STXBP5: variants seen among roughly 807,000 people sequenced by gnomAD.
STXBP5 encodes the protein syntaxin binding protein 5.
STXBP5 carries 50 observed loss-of-function variants against 152.4 expected under a neutral mutation model. That is an observed-to-expected ratio of 0.33 (90% CI 0.26 to 0.42). STXBP5 has a LOEUF of 0.42. Among genes scored for constraint, STXBP5 ranks in the 10% least tolerant of loss-of-function variants. STXBP5 has a pLI of 1.00. For missense variants in STXBP5, 1,167 were observed against 1,388.6 expected (o/e 0.84, Z 2.54); for synonymous variants, 492 against 494.7 (o/e 0.99, Z 0.07).
At chr6:147,287,465 G>T (rs1781039376) in intron 8 of STXBP5, among the ~76,000 whole-genome samples, 2 of 152,166 alleles carry the variant, frequency 1.3e-5, no homozygotes, top group Non-Finnish European at 2.9e-5. Context: ...GCCTCCCAAA[G>T]TGCTGGGATT....
At chr6:147,314,218 T>A (rs771240339) in intron 12 of STXBP5, 46 bp from the exon 13 acceptor site, 1 of 1,478,198 alleles carries the variant, frequency 6.8e-7, no homozygotes, top group Non-Finnish European at 9.5e-7. Flanking sequence ...CACGGAGGTA[T>A]GTAGTATGCT....
intron 7 of STXBP5, among the ~76,000 whole-genome samples, chr6:147,267,724 G>A (rs1364362718): frequency 6.6e-6 from 1 of 151,694 alleles, no homozygotes; most frequent in East Asian, 1.9e-4. Context: ...CCTATAAATT[G>A]GATAATTTAC....
At chr6:147,342,182 A>AT (rs1784123569) in intron 21 of STXBP5, among the ~76,000 whole-genome samples, 1 of 152,200 alleles carries the variant, frequency 6.6e-6, no homozygotes, top group African/African-American at 2.4e-5. Context: ...GAAAAAAAAG[A>AT]TTAAGTTCTG....
rs5880705 is a variant in STXBP5, at chr6:147,314,182, T to TACACACACAC, written c.1294-63_1294-54dup. 52 of 945,404 alleles carry TACACACACAC rather than the reference T, an allele frequency of 5.5e-5. No individual in the cohort carries two copies. In the African/African-American group the frequency reaches 7.7e-4, roughly 14 times the overall value. 58.6% of individuals were successfully genotyped at this position (945,404 alleles called of 1,614,324 possible). A position where few individuals can be genotyped will look rare whatever the true frequency, so the allele number is the denominator to read the frequency against. The stretch of plus-strand genomic sequence containing the variant: ...AAAATATGTTTTTCACTGGATTATT[T>TACACACACAC]ACACACACACACACACACACACACA... On this transcript the variant is annotated intron_variant, in intron 12 of 27. Transcript: ENST00000321680.
intron 9 of STXBP5, among the ~76,000 whole-genome samples, chr6:147,293,947 A>C (rs1781398127): frequency 6.6e-6 from 1 of 152,250 alleles, no homozygotes; most frequent in Non-Finnish European, 1.5e-5. Flanking sequence ...AAAAGTGCTT[A>C]GTTTAACTCT....
At chr6:147,323,369 T>C (rs4896904) in intron 16 of STXBP5, among the ~76,000 whole-genome samples, 86,479 of 151,766 alleles carry the variant, frequency 0.57, 24,923 homozygotes, top group Middle Eastern at 0.61. Context: ...ATATTTCTTA[T>C]CAACCTTCAT....
intron 14 of STXBP5, among the ~76,000 whole-genome samples, chr6:147,315,059 T>TG (rs3216139): frequency 0.68 from 103,074 of 151,894 alleles, 36,352 homozygotes; most frequent in African/African-American, 0.89. Context: ...GATTAATGTT[T>TG]CAAAACACAC....
intron 2 of STXBP5, among the ~76,000 whole-genome samples, chr6:147,213,591 T>G (rs565676010): frequency 1.2e-3 from 179 of 152,112 alleles, no homozygotes; most frequent in African/African-American, 4.2e-3. Context: ...GATTAAAGAT[T>G]ATGAGCTACT....
intron 21 of STXBP5, among the ~76,000 whole-genome samples, chr6:147,345,408 C>T (rs1490747620): frequency 6.6e-6 from 1 of 152,172 alleles, no homozygotes; most frequent in African/African-American, 2.4e-5. Flanking sequence ...CACTTTTCTT[C>T]TTGGATTCCT....
intron 14 of STXBP5, 115 bp from the exon 15 acceptor site, chr6:147,315,400 A>T: frequency 3.1e-6 from 2 of 646,932 alleles, no homozygotes; most frequent in Non-Finnish European, 5.1e-6. Flanking sequence ...GAGAAATGAA[A>T]ATATGATGTA....
At chr6:147,336,265 T>G (rs921603896) in intron 19 of STXBP5, among the ~76,000 whole-genome samples, 2 of 152,180 alleles carry the variant, frequency 1.3e-5, no homozygotes, top group African/African-American at 4.8e-5. Flanking sequence ...GAAAACTATT[T>G]TAATATAAAT....
At position 147,286,460 on chromosome 6, in the gene STXBP5, ATATT is replaced by A. The variant is rs564108668; in HGVS notation, c.839-4630_839-4627del. ...TTCAATAAATTGAGCTGGCAAGTAA[ATATT>A]TATGTCAAAACTCATCTGATTGTAC... On this transcript the variant is annotated intron_variant, in intron 8 of 27. Coordinates refer to ENST00000321680, the MANE Select transcript of STXBP5 (RefSeq NM_001127715.4). Among the ~76,000 whole-genome samples, 112 of 152,292 alleles carry A rather than the reference ATATT, an allele frequency of 7.4e-4. 2 individuals carry two copies. Among genetic ancestry groups the A allele is most frequent in the African/African-American group, 2.6e-3 (109 of 41,564 alleles).
chr6:147,357,923 A>G (rs372521561), intron 22 of STXBP5, among the ~76,000 whole-genome samples: 1 of 152,202 alleles, frequency 6.6e-6, no homozygotes, highest in Non-Finnish European at 1.5e-5. Flanking sequence ...ATGATGTTCC[A>G]AGAGAAAAAG....
intron 4 of STXBP5, among the ~76,000 whole-genome samples, chr6:147,239,596 A>G (rs1778439973): frequency 6.6e-6 from 1 of 152,170 alleles, no homozygotes; most frequent in Admixed American, 6.5e-5. Context: ...TATTTACTTA[A>G]CATATCCCAT....
chr6:147,266,067 G>A (rs1440073052), intron 6 of STXBP5, among the ~76,000 whole-genome samples: 1 of 152,024 alleles, frequency 6.6e-6, no homozygotes, highest in African/African-American at 2.4e-5. Flanking sequence ...TTCAAATGGA[G>A]TGGCCCAGGT....
chr6:147,237,829 C>T (rs1274640564), intron 3 of STXBP5, among the ~76,000 whole-genome samples: 1 of 152,154 alleles, frequency 6.6e-6, no homozygotes, highest in African/African-American at 2.4e-5. Flanking sequence ...TTTACAATTT[C>T]TTACAATACC....
intron 8 of STXBP5, among the ~76,000 whole-genome samples, chr6:147,289,681 T>A (rs116104433): frequency 6.6e-6 from 1 of 151,644 alleles, no homozygotes; most frequent in Non-Finnish European, 1.5e-5. Flanking sequence ...CAGTTAGGGA[T>A]CCAAACACAT....
chr6:147,273,043 G>T (rs908243435), intron 7 of STXBP5, among the ~76,000 whole-genome samples: 13 of 151,404 alleles, frequency 8.6e-5, no homozygotes, highest in African/African-American at 3.2e-4. Flanking sequence ...TTTTTTTTAG[G>T]CTATGATGTA....
At chr6:147,226,303 A>C (rs1278256798) in intron 2 of STXBP5, among the ~76,000 whole-genome samples, 3 of 152,106 alleles carry the variant, frequency 2.0e-5, no homozygotes, top group Admixed American at 6.6e-5. Context: ...CCTTACAAAA[A>C]AAAAAAAAAA....
Sources: gnomAD v4.1 joint callset for allele counts (sites outside exome capture counted in the v4.1 genomes callset) on GRCh38, gnomAD v4.1.1 for gene constraint, MANE v1.5 for transcripts, NCBI Gene and HGNC (gene_info 2026-07-23, HGNC 2026-07-21) for gene names.